ADAMTSL1: variants seen among roughly 807,000 people sequenced by gnomAD.
The protein encoded by ADAMTSL1 is ADAMTS-like protein 1.
ADAMTSL1 carries 126 observed loss-of-function variants against 201.8 expected under a neutral mutation model. The ratio of observed to expected loss-of-function variants is 0.62; its 90% CI spans 0.54 to 0.72. The LOEUF (loss-of-function observed/expected upper bound fraction) is 0.72. Ranked by LOEUF, ADAMTSL1 falls within the 30% of genes least tolerant of loss-of-function variation. The pLI, the probability that ADAMTSL1 is intolerant of heterozygous loss-of-function variation, is 0.00. For missense variants in ADAMTSL1, 2,679 were observed against 2,277.8 expected, an observed-to-expected ratio of 1.18 and a Z score of -3.59; for synonymous variants, 1,121 against 903.4, an observed-to-expected ratio of 1.24 and a Z score of -4.32.
At chr9:18,488,750 C>CTCTTG (rs1734769853) in intron 1 of ADAMTSL1, among the ~76,000 whole-genome samples, 1 of 152,180 alleles carries the variant, frequency 6.6e-6, no homozygotes, top group Non-Finnish European at 1.5e-5. Flanking sequence ...ATTTCCCTAC[C>CTCTTG]TCATTCCAGA....
intron 2 of ADAMTSL1, among the ~76,000 whole-genome samples, chr9:18,173,109 T>G (rs192543004): frequency 2.0e-5 from 3 of 152,268 alleles, no homozygotes; most frequent in African/African-American, 7.2e-5. Context: ...GGCTAGTGGT[T>G]GCACACATAT....
chr9:18,904,570 G>A (rs941711662), intron 26 of ADAMTSL1, among the ~76,000 whole-genome samples: 3 of 144,028 alleles, frequency 2.1e-5, no homozygotes, highest in South Asian at 2.2e-4. Flanking sequence ...GGAGGTGAAG[G>A]CTGCAGTGAG....
At chr9:18,402,704 C>G (rs949747049) in intron 2 of ADAMTSL1, among the ~76,000 whole-genome samples, 1 of 152,134 alleles carries the variant, frequency 6.6e-6, no homozygotes. Context: ...TTTTGGTTAT[C>G]CCCTCCTGAA....
intron 2 of ADAMTSL1, among the ~76,000 whole-genome samples, chr9:18,467,512 C>A (rs1470784172): frequency 2.6e-5 from 4 of 152,114 alleles, no homozygotes; most frequent in South Asian, 2.1e-4. Context: ...GGGCTCATAT[C>A]TATGATATAT....
chr9:18,144,490 G>A (rs1347770159), intron 1 of ADAMTSL1, among the ~76,000 whole-genome samples: 2 of 152,082 alleles, frequency 1.3e-5, no homozygotes, highest in African/African-American at 4.8e-5. Context: ...ACAGGCACGA[G>A]CCACCACACC....
In ADAMTSL1 at chr9:18,767,910, G is replaced by A. The variant is rs182322502; in HGVS notation, c.2218-2692G>A. On this transcript the variant is annotated intron_variant, in intron 16 of 28. Coordinates refer to ENST00000380548, the MANE Select transcript of ADAMTSL1 (RefSeq NM_001040272.6). Reference sequence around the variant, plus strand: ...ATTTTGTTCTTAATCAAGCCCAAACGACACACTAGAAAAGCCCTTAGAAGG... The same window carrying A: ...ATTTTGTTCTTAATCAAGCCCAAACAACACACTAGAAAAGCCCTTAGAAGG... Among the ~76,000 whole-genome samples the A allele has an allele frequency of 8.5e-5, 13 of 152,272 alleles. No individual in the cohort carries two copies. In the East Asian group the frequency reaches 1.2e-3, roughly 14 times the overall value.
At chr9:18,364,651 G>A (rs1300953533) in intron 2 of ADAMTSL1, among the ~76,000 whole-genome samples, 1 of 74,226 alleles carries the variant, frequency 1.3e-5, no homozygotes, top group Non-Finnish European at 2.9e-5. Context: ...TTCTTGTACT[G>A]CTATAAAGAA....
chr9:18,558,986 T>A (rs1230702844), intron 3 of ADAMTSL1, among the ~76,000 whole-genome samples: 3 of 152,252 alleles, frequency 2.0e-5, no homozygotes, highest in African/African-American at 4.8e-5. Context: ...TAGTTTATTT[T>A]GCTGTGCAGA....
chr9:18,375,913 G>A (rs1837274919), intron 2 of ADAMTSL1, among the ~76,000 whole-genome samples: 1 of 152,112 alleles, frequency 6.6e-6, no homozygotes, highest in Non-Finnish European at 1.5e-5. Flanking sequence ...GCTGATTGGT[G>A]TGTTTTTACA....
intron 2 of ADAMTSL1, among the ~76,000 whole-genome samples, chr9:18,329,461 C>A (rs1414401819): frequency 1.3e-5 from 2 of 151,922 alleles, no homozygotes; most frequent in Admixed American, 6.6e-5. Flanking sequence ...AGAGTGTGAC[C>A]CAAGGAGTCC....
intron 2 of ADAMTSL1, among the ~76,000 whole-genome samples, chr9:18,337,292 G>A (rs1172963425): frequency 6.6e-6 from 1 of 152,146 alleles, no homozygotes; most frequent in Non-Finnish European, 1.5e-5. Flanking sequence ...AGGGCCTTCA[G>A]CCACAGACTG....
chr9:18,622,644 TTG>T, intron 5 of ADAMTSL1: 1 of 557,382 alleles, frequency 1.8e-6, no homozygotes, highest in Non-Finnish European at 3.2e-6. Flanking sequence ...AACATGAGCT[TTG>T]CTGTCCAACA....
intron 13 of ADAMTSL1, among the ~76,000 whole-genome samples, chr9:18,688,560 C>G (rs1830986053): frequency 6.9e-6 from 1 of 143,982 alleles, no homozygotes; most frequent in Non-Finnish European, 1.5e-5. Context: ...CGCAGCTACT[C>G]AGGAGTCTGC....
At chr9:18,641,623 A>G (rs192910368) in intron 7 of ADAMTSL1, among the ~76,000 whole-genome samples, 1 of 152,194 alleles carries the variant, frequency 6.6e-6, no homozygotes, top group Admixed American at 6.6e-5. Context: ...AAGTTATTCT[A>G]AGATAGATTA....
chr9:18,415,290 A>G (rs796476871), intron 2 of ADAMTSL1, among the ~76,000 whole-genome samples: 38 of 152,340 alleles, frequency 2.5e-4, no homozygotes, highest in African/African-American at 7.9e-4. Flanking sequence ...CAAAGACATT[A>G]AAACAGTTTA....
At chr9:18,078,707 T>C (rs1180333369) in intron 1 of ADAMTSL1, among the ~76,000 whole-genome samples, 2 of 152,170 alleles carry the variant, frequency 1.3e-5, no homozygotes, top group Non-Finnish European at 2.9e-5. Flanking sequence ...ATATTCTGTT[T>C]CTCTGGTTAC....
chr9:18,837,299 T>A (rs936424163), intron 23 of ADAMTSL1, among the ~76,000 whole-genome samples: 1 of 152,230 alleles, frequency 6.6e-6, no homozygotes, highest in Non-Finnish European at 1.5e-5. Flanking sequence ...TATATTGAAG[T>A]TTGTTTTTAT....
chr9:18,275,125 C>G lies in ADAMTSL1; in HGVS notation c.207+111144C>G, dbSNP rs1341138398. ...GTATTTGGCATTTTATGTGAAAGAG[C>G]CATACAATTCAATTGGGAGTATTTA... On this transcript the variant is annotated intron_variant, in intron 2 of 29. Coordinates refer to the ADAMTSL1 transcript ENST00000680146. Among the ~76,000 whole-genome samples the G allele has an allele frequency of 6.6e-5, 10 of 152,152 alleles. No individual in the cohort carries two copies. In the East Asian group the frequency reaches 1.9e-3, roughly 29 times the overall value.
intron 1 of ADAMTSL1, among the ~76,000 whole-genome samples, chr9:17,976,044 A>G (rs1416840121): frequency 1.3e-5 from 2 of 151,792 alleles, no homozygotes; most frequent in Admixed American, 1.3e-4. Context: ...GTGTGAATTT[A>G]TTTCTGGGCT....
Sources: allele counts gnomAD v4.1 joint callset (sites outside exome capture counted in the v4.1 genomes callset), GRCh38; gene constraint gnomAD v4.1.1; transcripts MANE v1.5; gene names NCBI Gene and HGNC (gene_info 2026-07-23, HGNC 2026-07-21).